The following KLHL32 variants were observed in gnomAD, a reference collection of about 807,000 sequenced individuals.
KLHL32 encodes kelch like family member 32.
KLHL32 carries 35 observed loss-of-function variants against 64.8 expected under a neutral mutation model. That is an observed-to-expected ratio of 0.54 (90% CI 0.41 to 0.72). The LOEUF (loss-of-function observed/expected upper bound fraction) is 0.72. Ranked by LOEUF, KLHL32 falls within the 30% of genes least tolerant of loss-of-function variation. KLHL32 has a pLI of 0.00. For missense variants in KLHL32, 589 were observed against 768.5 expected, an observed-to-expected ratio of 0.77 and a Z score of 2.76; for synonymous variants, 259 against 281.0, an observed-to-expected ratio of 0.92 and a Z score of 0.78.
intron 3 of KLHL32, among the ~76,000 whole-genome samples, chr6:97,013,463 A>G (rs1780679430): frequency 6.6e-6 from 1 of 152,184 alleles, no homozygotes. Context: ...AAGGAATAAA[A>G]ATAGTTACAC....
chr6:97,032,355 T>C (rs1391494884), intron 3 of KLHL32, among the ~76,000 whole-genome samples: 1 of 152,220 alleles, frequency 6.6e-6, no homozygotes, highest in African/African-American at 2.4e-5. Flanking sequence ...AATATGGTGT[T>C]CCTTTATTGC....
intron 1 of KLHL32, among the ~76,000 whole-genome samples, chr6:96,936,882 C>A (rs1770670875): frequency 6.6e-6 from 1 of 152,156 alleles, no homozygotes; most frequent in Non-Finnish European, 1.5e-5. Flanking sequence ...CTGCCTCCTG[C>A]CTACCCGCAG....
intron 2 of KLHL32, among the ~76,000 whole-genome samples, chr6:96,971,681 G>T (rs1775121749): frequency 1.3e-5 from 2 of 152,128 alleles, no homozygotes; most frequent in South Asian, 4.1e-4. Context: ...AGGGACAGCA[G>T]TTCGCACAGG....
intron 3 of KLHL32, among the ~76,000 whole-genome samples, chr6:97,025,862 A>G (rs994649264): frequency 2.0e-5 from 3 of 152,200 alleles, no homozygotes; most frequent in Non-Finnish European, 4.4e-5. Context: ...TAAAACTTTA[A>G]TTCAAGTAGG....
intron 6 of KLHL32, among the ~76,000 whole-genome samples, chr6:97,111,028 C>CTT (rs1157040121): frequency 6.8e-6 from 1 of 146,928 alleles, no homozygotes; most frequent in Non-Finnish European, 1.5e-5. Context: ...ACAGAAAAGT[C>CTT]TTGGGGGGGG....
chr6:96,904,339 C>CAAAA, the KLHL32 span, among the ~76,000 whole-genome samples: 23 of 105,962 alleles, frequency 2.2e-4, no homozygotes, highest in Middle Eastern at 4.5e-3. Context: ...AAGACTTTGT[C>CAAAA]AAAAAAAAAA....
In KLHL32 at chr6:97,139,354, T is replaced by G; in HGVS notation, c.*72T>G. ...GGATACTGGGCATGAAAAGACTCAGTGCTCCATGCTTCCTTGTCTTGCTTT... is the reference window on the plus strand; with the variant it reads ...GGATACTGGGCATGAAAAGACTCAGGGCTCCATGCTTCCTTGTCTTGCTTT... On this transcript the variant is annotated 3_prime_UTR_variant, in exon 11 of 11. Coordinates refer to ENST00000369261, the MANE Select transcript of KLHL32 (RefSeq NM_052904.4). 1 of 1,277,828 alleles carries G rather than the reference T, an allele frequency of 7.8e-7. No individual in the cohort carries two copies. The highest frequency in any genetic ancestry group is 1.1e-6 in the Non-Finnish European group (1 of 913,594). 79.2% of individuals were successfully genotyped at this position (1,277,828 alleles called of 1,614,324 possible).
At chr6:96,930,628 A>G (rs1769749950) in intron 1 of KLHL32, among the ~76,000 whole-genome samples, 1 of 152,066 alleles carries the variant, frequency 6.6e-6, no homozygotes, top group Non-Finnish European at 1.5e-5. Flanking sequence ...TGAGCCATAT[A>G]AAATGTTTTA....
chr6:96,917,403 A>C, the KLHL32 span, among the ~76,000 whole-genome samples: 1 of 152,156 alleles, frequency 6.6e-6, no homozygotes, highest in Non-Finnish European at 1.5e-5. Context: ...CTCTTTATTC[A>C]GCTTGAGTTT....
Position 97,139,626 on chromosome 6 carries a change from A to G in KLHL32, c.*344A>G, listed in dbSNP as rs1438520081. On this transcript the variant is annotated 3_prime_UTR_variant, in exon 11 of 11. Coordinates refer to ENST00000369261, the MANE Select transcript of KLHL32 (RefSeq NM_052904.4). Reference sequence around the variant, plus strand: ...CTGTTAGTAAGGCAATTTATTGGACACAATGGCATCGATGATCTTAAAAAT... The same window carrying G: ...CTGTTAGTAAGGCAATTTATTGGACGCAATGGCATCGATGATCTTAAAAAT... 2.2e-5 allele frequency: 4 copies of G among 178,858 alleles called. No individual in the cohort carries two copies. Among genetic ancestry groups the G allele is most frequent in the Admixed American group, 6.1e-5 (1 of 16,388 alleles). 11.1% of individuals were successfully genotyped at this position (178,858 alleles called of 1,614,324 possible).
intron 10 of KLHL32, among the ~76,000 whole-genome samples, chr6:97,137,885 A>G (rs752678840): frequency 2.6e-5 from 4 of 152,190 alleles, no homozygotes; most frequent in African/African-American, 4.8e-5. Flanking sequence ...TGAAGGCATG[A>G]GAGTGGACTA....
chr6:97,030,682 A>G (rs994164722), intron 3 of KLHL32, among the ~76,000 whole-genome samples: 9 of 152,164 alleles, frequency 5.9e-5, no homozygotes, highest in South Asian at 2.1e-4. Flanking sequence ...GAACATTGAC[A>G]TATGTTCTTT....
the KLHL32 span, among the ~76,000 whole-genome samples, chr6:96,905,363 A>G: frequency 5.9e-5 from 9 of 152,220 alleles, no homozygotes; most frequent in African/African-American, 1.2e-4. Context: ...ACCCAACTCA[A>G]TAACTCCAGA....
Position 97,054,764 on chromosome 6 carries a change from C to G in KLHL32, c.313-9864C>G, listed in dbSNP as rs1787525483. 2.0e-5 allele frequency among the ~76,000 whole-genome samples: 3 copies of G among 152,288 alleles called. No homozygotes were observed. The South Asian group carries it at 6.2e-4, about 32-fold the overall frequency. ...ATGATAGCCATTCATCTCTATGTAT[C>G]ATGTATCTGTCAAAGTAGGAACAAC... On this transcript the variant is annotated intron_variant, in intron 4 of 10. Transcript: ENST00000369261.
chr6:96,921,039 A>C (rs1400772836), upstream of KLHL32, among the ~76,000 whole-genome samples: 1 of 152,228 alleles, frequency 6.6e-6, no homozygotes, highest in Non-Finnish European at 1.5e-5. Flanking sequence ...TATTCTCTGT[A>C]GCACTAGGTA....
intron 3 of KLHL32, among the ~76,000 whole-genome samples, chr6:96,981,472 T>C (rs1249001220): frequency 6.6e-6 from 1 of 152,152 alleles, no homozygotes; most frequent in Non-Finnish European, 1.5e-5. Flanking sequence ...TTGCTGTCTA[T>C]TTATCTTATT....
chr6:96,924,535 G>T (rs1023230840), upstream of KLHL32: 14 of 150,948 alleles, frequency 9.3e-5, no homozygotes, highest in Non-Finnish European at 1.9e-4. Flanking sequence ...TTGCGCGCGG[G>T]GTGGCGAAAG....
upstream of KLHL32, among the ~76,000 whole-genome samples, chr6:96,921,843 A>G (rs1562157960): frequency 6.6e-6 from 1 of 152,190 alleles, no homozygotes; most frequent in Non-Finnish European, 1.5e-5. Context: ...CTACCCTCCT[A>G]TATCTTGGCT....
chr6:97,068,042 A>G (rs934066677), intron 5 of KLHL32, among the ~76,000 whole-genome samples: 1 of 151,696 alleles, frequency 6.6e-6, no homozygotes, highest in Admixed American at 6.6e-5. Context: ...ACATACACAC[A>G]CCATCACCTC....
Sources: allele counts gnomAD v4.1 joint callset (sites outside exome capture counted in the v4.1 genomes callset), GRCh38; gene constraint gnomAD v4.1.1; transcripts MANE v1.5; gene names NCBI Gene and HGNC (gene_info 2026-07-23, HGNC 2026-07-21).